DIAPH2: variants seen among roughly 807,000 people sequenced by gnomAD.
DIAPH2 encodes protein diaphanous homolog 2.
A neutral mutation model predicts 92.7 loss-of-function variants in DIAPH2; 35 were observed. The ratio of observed to expected loss-of-function variants is 0.38; its 90% CI spans 0.29 to 0.50. DIAPH2 has a LOEUF of 0.50. DIAPH2 is among the 20% of genes least tolerant of loss of function. The probability of loss-of-function intolerance (pLI) is 0.94; values close to 1 mark genes in which losing one functional copy is unlikely to be tolerated. For synonymous variants in DIAPH2, 301 were observed against 280.4 expected (o/e 1.07, Z -0.73); for missense variants, 701 against 819.5 (o/e 0.86, Z 1.77).
chrX:97,377,104 A>G (rs1278830013), intron 24 of DIAPH2, among the ~76,000 whole-genome samples: 1 of 111,688 alleles, frequency 9.0e-6, no homozygotes, highest in Non-Finnish European at 1.9e-5. Context: ...TTCCATCTCC[A>G]TGTGTTACCC....
chrX:97,239,937 A>C (rs1216417845), intron 22 of DIAPH2, among the ~76,000 whole-genome samples: 1 of 110,322 alleles, frequency 9.1e-6, no homozygotes, highest in East Asian at 2.8e-4. Flanking sequence ...GAAGTAGTGT[A>C]GGCAAAGACC....
chrX:96,898,939 A>G (rs1333786494), intron 5 of DIAPH2, among the ~76,000 whole-genome samples: 1 of 108,704 alleles, frequency 9.2e-6, no homozygotes, highest in Non-Finnish European at 1.9e-5. Context: ...TCAGCTTTCT[A>G]CATATGGCTA....
At chrX:96,862,957 A>G (rs909104318) in intron 4 of DIAPH2, among the ~76,000 whole-genome samples, 3 of 110,777 alleles carry the variant, frequency 2.7e-5, no homozygotes, top group African/African-American at 9.8e-5. Flanking sequence ...TATATGAGAA[A>G]CGCTTTATGG....
chrX:96,971,953 C>G (rs1032521192), intron 17 of DIAPH2, among the ~76,000 whole-genome samples: 1 of 111,771 alleles, frequency 8.9e-6, no homozygotes, highest in Non-Finnish European at 1.9e-5. Context: ...CCTTGTCATT[C>G]GCAGTGCCTT....
chrX:97,000,620 T>TACACACAC (rs56284459), intron 17 of DIAPH2, among the ~76,000 whole-genome samples: 59 of 99,896 alleles, frequency 5.9e-4, no homozygotes, highest in Middle Eastern at 5.1e-3. Context: ...TACAAATGAA[T>TACACACAC]ACACACACAC....
chrX:97,599,238 C>T lies in DIAPH2; in HGVS notation c.3242-15C>T, dbSNP rs1455835862. 3 of 1,167,352 alleles carry T rather than the reference C, an allele frequency of 2.6e-6. No homozygotes were observed. Among genetic ancestry groups the T allele is most frequent in the Middle Eastern group, 2.4e-4 (1 of 4,231 alleles). On this transcript the variant is annotated splice_polypyrimidine_tract_variant and intron_variant, in intron 26 of 26. Transcript: ENST00000324765. ...ACTTACCATGCTTTTGGTCCTTTTT[C>T]TGTTTGTCTTACAGATAACAGACGA... is the stretch of plus-strand genomic sequence containing the variant.
At chrX:96,886,810 A>G (rs971733260) in intron 5 of DIAPH2, among the ~76,000 whole-genome samples, 2 of 111,102 alleles carry the variant, frequency 1.8e-5, no homozygotes, top group Non-Finnish European at 3.8e-5. Context: ...GAGTATAATT[A>G]TAGGTCACTC....
intron 23 of DIAPH2, among the ~76,000 whole-genome samples, chrX:97,276,122 C>T (rs1367602900): frequency 2.7e-5 from 3 of 111,665 alleles, no homozygotes; most frequent in East Asian, 5.7e-4. Context: ...CAAAAAAATA[C>T]GAAAACCAGT....
chrX:97,119,703 A>G (rs1399121229), intron 21 of DIAPH2, among the ~76,000 whole-genome samples: 1 of 110,318 alleles, frequency 9.1e-6, no homozygotes, highest in Non-Finnish European at 1.9e-5. Flanking sequence ...CTGACCTCAG[A>G]CTCTCCTTGG....
At chrX:97,350,998 G>A (rs913509810) in intron 24 of DIAPH2, among the ~76,000 whole-genome samples, 5 of 112,228 alleles carry the variant, frequency 4.5e-5, no homozygotes, top group Admixed American at 1.9e-4. Context: ...TCCTAAATGT[G>A]TCAACCAATC....
intron 5 of DIAPH2, among the ~76,000 whole-genome samples, chrX:96,911,883 T>G (rs769337192): frequency 8.9e-6 from 1 of 111,752 alleles, no homozygotes; most frequent in Admixed American, 9.6e-5. Context: ...AAATATTTGT[T>G]GACTGAATAA....
chrX:97,030,541 T>C (rs2066366465), intron 17 of DIAPH2, among the ~76,000 whole-genome samples: 1 of 111,354 alleles, frequency 9.0e-6, no homozygotes, highest in Non-Finnish European at 1.9e-5. Flanking sequence ...TATGCGTACA[T>C]GTACCATGCC....
chrX:96,994,656 C>T (rs867093140), intron 17 of DIAPH2, among the ~76,000 whole-genome samples: 1 of 111,664 alleles, frequency 9.0e-6, no homozygotes, highest in Non-Finnish European at 1.9e-5. Context: ...AATTGACTCA[C>T]AGTTCAGCAT....
At chrX:97,560,579 A>G (rs1354558010) in intron 26 of DIAPH2, among the ~76,000 whole-genome samples, 2 of 110,887 alleles carry the variant, frequency 1.8e-5, no homozygotes, top group African/African-American at 6.6e-5. Flanking sequence ...TGCAGCCTCT[A>G]CCTCCTGGGT....
intron 20 of DIAPH2, among the ~76,000 whole-genome samples, chrX:97,113,103 C>T (rs779058444): frequency 7.2e-5 from 8 of 111,033 alleles, no homozygotes; most frequent in African/African-American, 2.6e-4. Flanking sequence ...AGTGTCAGTT[C>T]TATGTGTGCT....
Position 97,231,330 on chromosome X carries a change from A to G in DIAPH2, c.2720-16385A>G, listed in dbSNP as rs146451716. ...TCAGAAGAGTTAATTGGCTTACAAA[A>G]CATATGTGGATCGAACTTGGGGAAT... is the stretch of plus-strand genomic sequence containing the variant. On this transcript the variant is annotated intron_variant, in intron 22 of 26. Coordinates refer to ENST00000324765, the MANE Select transcript of DIAPH2 (RefSeq NM_006729.5). Among the ~76,000 whole-genome samples the G allele has an allele frequency of 7.3e-3, 796 of 108,651 alleles. 12 individuals are homozygous for G. Among genetic ancestry groups the G allele is most frequent in the African/African-American group, 0.025 (758 of 29,768 alleles). 94.4% of individuals were successfully genotyped at this position (108,651 alleles called of 115,157 possible).
intron 5 of DIAPH2, among the ~76,000 whole-genome samples, chrX:96,882,197 C>T (rs779190851): frequency 9.2e-6 from 1 of 109,244 alleles, no homozygotes; most frequent in Non-Finnish European, 1.9e-5. Flanking sequence ...ACTACAGGCA[C>T]GCACCATCAT....
At chrX:96,815,490 G>A (rs2064725955) in intron 4 of DIAPH2, among the ~76,000 whole-genome samples, 1 of 112,029 alleles carries the variant, frequency 8.9e-6, no homozygotes, top group Non-Finnish European at 1.9e-5. Context: ...TCCCAGGTGA[G>A]GCGATGTCCC....
chrX:97,386,760 CAG>C (rs1192361754), intron 25 of DIAPH2, among the ~76,000 whole-genome samples: 2 of 106,154 alleles, frequency 1.9e-5, no homozygotes, highest in African/African-American at 3.4e-5. Context: ...TAGTAGGGGA[CAG>C]GGGACAGATT....
Sources: gnomAD v4.1 joint callset for allele counts (sites outside exome capture counted in the v4.1 genomes callset) on GRCh38, gnomAD v4.1.1 for gene constraint, MANE v1.5 for transcripts, NCBI Gene and HGNC (gene_info 2026-07-23, HGNC 2026-07-21) for gene names.